The following FAM234B variants were observed in gnomAD, a reference collection of about 807,000 sequenced individuals.
FAM234B encodes the protein protein FAM234B.
FAM234B carries 33 observed loss-of-function variants against 69.3 expected under a neutral mutation model. The ratio of observed to expected loss-of-function variants is 0.48; its 90% CI spans 0.36 to 0.64. The LOEUF (loss-of-function observed/expected upper bound fraction) is 0.64. Among genes scored for constraint, FAM234B ranks in the 30% least tolerant of loss-of-function variants. FAM234B has a pLI of 0.00. For missense variants in FAM234B, 697 were observed against 769.7 expected (o/e 0.91, Z 1.12); for synonymous variants, 306 against 306.9 (o/e 1.00, Z 0.03).
chr12:13,049,376 C>T (rs999224605), intron 1 of FAM234B, among the ~76,000 whole-genome samples: 5 of 152,176 alleles, frequency 3.3e-5, no homozygotes, highest in African/African-American at 4.8e-5. Context: ...GACGGGGTCT[C>T]GCCACGTTGG....
At chr12:13,054,352 A>G (rs922914127) in intron 1 of FAM234B, among the ~76,000 whole-genome samples, 1 of 152,216 alleles carries the variant, frequency 6.6e-6, no homozygotes, top group Non-Finnish European at 1.5e-5. Context: ...AATCTTCACA[A>G]TTTATGTTCT....
chr12:13,069,613 G>A (rs1365674047), intron 9 of FAM234B, among the ~76,000 whole-genome samples: 1 of 152,154 alleles, frequency 6.6e-6, no homozygotes, highest in East Asian at 1.9e-4. Flanking sequence ...GAGCTGGAGG[G>A]CCAGGGAGGC....
At chr12:13,073,773 T>G (rs1295772426) in intron 10 of FAM234B, among the ~76,000 whole-genome samples, 1 of 152,254 alleles carries the variant, frequency 6.6e-6, no homozygotes, top group Non-Finnish European at 1.5e-5. Flanking sequence ...TCTTCAGTGG[T>G]GGCTATTGTT....
intron 10 of FAM234B, among the ~76,000 whole-genome samples, chr12:13,075,472 C>T (rs1298702633): frequency 2.0e-5 from 3 of 147,078 alleles, no homozygotes; most frequent in Non-Finnish European, 4.5e-5. Flanking sequence ...GAGTCTCTCT[C>T]TGTCACCCAG....
intron 3 of FAM234B, 141 bp downstream of exon 3, chr12:13,058,690 C>T: frequency 2.8e-6 from 2 of 708,400 alleles, no homozygotes; most frequent in South Asian, 1.7e-5. Context: ...ACATGAAAAC[C>T]CTCATCAGAA....
In FAM234B at chr12:13,068,720, T is replaced by C. The variant is rs1865069408; in HGVS notation, c.1368+9T>C. The C allele has an allele frequency of 1.3e-6, 2 of 1,580,514 alleles. No individual in the cohort carries two copies. Among genetic ancestry groups the C allele is most frequent in the Admixed American group, 1.7e-5 (1 of 59,846 alleles). ...GAGTTGGGATGAAAAAGGTAAAACTTTGGGCCTCAGATCAATCAAAGCATA... is the reference window on the plus strand; with the variant it reads ...GAGTTGGGATGAAAAAGGTAAAACTCTGGGCCTCAGATCAATCAAAGCATA... On this transcript the variant is annotated intron_variant, in intron 9 of 12. Transcript: ENST00000197268.
chr12:13,052,102 T>G (rs575086163), intron 1 of FAM234B, among the ~76,000 whole-genome samples: 10 of 152,296 alleles, frequency 6.6e-5, no homozygotes, highest in South Asian at 4.1e-4. Flanking sequence ...CTCTTATGAT[T>G]GATACCTTTG....
At chr12:13,051,400 T>A (rs771268866) in intron 1 of FAM234B, among the ~76,000 whole-genome samples, 1 of 152,210 alleles carries the variant, frequency 6.6e-6, no homozygotes, top group Non-Finnish European at 1.5e-5. Context: ...ACTAGCAAGA[T>A]TGAATTTGAT....
intron 9 of FAM234B, among the ~76,000 whole-genome samples, chr12:13,069,110 A>G (rs562095928): frequency 6.6e-6 from 1 of 152,344 alleles, no homozygotes; most frequent in South Asian, 2.1e-4. Context: ...AGGGAAATAT[A>G]AGCAGCTTTT....
intron 10 of FAM234B, among the ~76,000 whole-genome samples, chr12:13,072,679 G>A (rs12318533): frequency 0.25 from 37,907 of 149,620 alleles, 5,815 homozygotes; most frequent in East Asian, 0.57. Context: ...GCAGTGAGCC[G>A]AGATCATGCA....
At chr12:13,057,293 T>G (rs1864940551) in intron 2 of FAM234B, among the ~76,000 whole-genome samples, 1 of 152,172 alleles carries the variant, frequency 6.6e-6, no homozygotes, top group South Asian at 2.1e-4. Flanking sequence ...CCTGCTTCTT[T>G]GTGCCACTTA....
At position 13,066,467 on chromosome 12, in the gene FAM234B, C is replaced by T. The variant is rs1053681236; in HGVS notation, c.853-173C>T. ...GTGAGGCAATGGGACATTTGCTTCACTTGCTTACTTGCAGGGAAATAAAGC... is the reference window on the plus strand; with the variant it reads ...GTGAGGCAATGGGACATTTGCTTCATTTGCTTACTTGCAGGGAAATAAAGC... On this transcript the variant is annotated intron_variant, in intron 5 of 12. Coordinates refer to ENST00000197268, the MANE Select transcript of FAM234B (RefSeq NM_020853.2). Among the ~76,000 whole-genome samples the T allele has an allele frequency of 3.3e-5, 5 of 152,212 alleles. No homozygotes were observed. The East Asian group carries it at 9.6e-4, about 29-fold the overall frequency.
At chr12:13,049,831 C>A (rs551014671) in intron 1 of FAM234B, among the ~76,000 whole-genome samples, 19 of 152,242 alleles carry the variant, frequency 1.2e-4, no homozygotes, top group Admixed American at 1.0e-3. Context: ...TTCGTTGTTA[C>A]TTCTTTCTTG....
chr12:13,051,984 C>T (rs552726645), intron 1 of FAM234B, among the ~76,000 whole-genome samples: 2 of 152,150 alleles, frequency 1.3e-5, no homozygotes, highest in Non-Finnish European at 2.9e-5. Context: ...AATTGATGCT[C>T]AATAAAGTTA....
In FAM234B at chr12:13,080,754, G is replaced by A; in HGVS notation, c.*124G>A. The A allele has an allele frequency of 1.2e-6, 1 of 813,754 alleles. No homozygotes were observed. Among genetic ancestry groups the A allele is most frequent in the Non-Finnish European group, 2.0e-6 (1 of 498,556 alleles). 50.4% of individuals were successfully genotyped at this position (813,754 alleles called of 1,614,324 possible). ...CGTCCTCATTTACCACCTCCCTGAT[G>A]GTTGCAAAGGCTTGGGAAGGCATGT... On this transcript the variant is annotated 3_prime_UTR_variant, in exon 13 of 13. Transcript: ENST00000197268.
At chr12:13,079,151 T>A (rs1216684291) in intron 11 of FAM234B, among the ~76,000 whole-genome samples, 4 of 152,160 alleles carry the variant, frequency 2.6e-5, no homozygotes, top group Non-Finnish European at 4.4e-5. Context: ...ACTACAAGGC[T>A]ACAGTAACCA....
chr12:13,072,945 C>T (rs1213250122), intron 10 of FAM234B, among the ~76,000 whole-genome samples: 1 of 151,994 alleles, frequency 6.6e-6, no homozygotes, highest in Non-Finnish European at 1.5e-5. Flanking sequence ...AAGAAAGTCA[C>T]AAGGAGCTAA....
chr12:13,056,799 C>T (rs1485001367), intron 2 of FAM234B, among the ~76,000 whole-genome samples: 3 of 152,094 alleles, frequency 2.0e-5, no homozygotes, highest in African/African-American at 7.2e-5. Context: ...CTTGTGTGTC[C>T]CTCCTGACCA....
In FAM234B at chr12:13,044,841, GA is replaced by G. The variant is rs969968149; in HGVS notation, c.37+402del. Among the ~76,000 whole-genome samples, 8 of 152,228 alleles carry G rather than the reference GA, an allele frequency of 5.3e-5. No homozygotes were observed. Among genetic ancestry groups the G allele is most frequent in the African/African-American group, 1.7e-4 (7 of 41,462 alleles). On this transcript the variant is annotated intron_variant, in intron 1 of 12. Coordinates refer to ENST00000197268, the MANE Select transcript of FAM234B (RefSeq NM_020853.2). This position sits in a 1 kb window ranked among gnomAD's most constrained non-coding sequence, Gnocchi z 5.6. ...GGCTGGACCTGGGCGGGGGCGGCGGGACGGCGAGTGGCCCTCTGTGGATCAT... is the reference window on the plus strand; with the variant it reads ...GGCTGGACCTGGGCGGGGGCGGCGGGCGGCGAGTGGCCCTCTGTGGATCAT...
Sources: gnomAD v4.1 joint callset for allele counts (sites outside exome capture counted in the v4.1 genomes callset) on GRCh38, gnomAD v4.1.1 for gene constraint, Gnocchi (gnomAD v3.1) non-coding constraint, MANE v1.5 for transcripts, NCBI Gene and HGNC (gene_info 2026-07-23, HGNC 2026-07-21) for gene names.